Variants in SPOP observed in about 807,000 individuals in gnomAD.
SPOP encodes the protein speckle-type POZ protein.
SPOP carries 11 observed loss-of-function variants against 45.6 expected under a neutral mutation model. That is an observed-to-expected ratio of 0.24 (90% confidence interval 0.15 to 0.40). SPOP has a LOEUF of 0.40. SPOP is among the 10% of genes least tolerant of loss of function. SPOP has a pLI of 1.00. For synonymous variants in SPOP, 166 were observed against 166.3 expected (o/e 1.00, Z 0.01); for missense variants, 152 against 465.6 (o/e 0.33, Z 6.20).
intron 1 of SPOP, among the ~76,000 whole-genome samples, chr17:49,675,567 A>G (rs17645084): frequency 0.14 from 21,851 of 152,258 alleles, 2,054 homozygotes; most frequent in Non-Finnish European, 0.2. Flanking sequence ...TTTGTTTCAT[A>G]TGTATGTACA....
intron 5 of SPOP, chr17:49,618,526 A>G (rs2072139605): frequency 2.2e-6 from 1 of 456,040 alleles, no homozygotes; most frequent in Non-Finnish European, 4.4e-6. Flanking sequence ...CAATTACTCC[A>G]GCAAGACAAA....
In SPOP at chr17:49,678,033, C is replaced by T. The variant is rs1474729775; in HGVS notation, c.-167G>A. The T allele has an allele frequency of 5.0e-6, 2 of 399,544 alleles. No individual in the cohort carries two copies. Among genetic ancestry groups the T allele is most frequent in the Non-Finnish European group, 8.8e-6 (2 of 226,546 alleles). 24.7% of individuals were successfully genotyped at this position (399,544 alleles called of 1,614,324 possible). On this transcript the variant is annotated 5_prime_UTR_variant, in exon 1 of 10. The change creates a new upstream start codon in the 5' untranslated region. Transcript: ENST00000504102. Reference sequence around the variant, plus strand: ...GCGGGACCGCCGATACACAAATACACACACACTCGGAGCGCGCACACTCAC... The same window carrying T: ...GCGGGACCGCCGATACACAAATACATACACACTCGGAGCGCGCACACTCAC...
intron 1 of SPOP, among the ~76,000 whole-genome samples, chr17:49,662,208 C>G (rs1253000913): frequency 6.6e-6 from 1 of 151,658 alleles, no homozygotes; most frequent in Admixed American, 6.6e-5. Flanking sequence ...TTTTGCCCCC[C>G]TCAGATTGTG....
chr17:49,661,375 T>C (rs1310465159), intron 1 of SPOP, among the ~76,000 whole-genome samples: 1 of 152,154 alleles, frequency 6.6e-6, no homozygotes, highest in Non-Finnish European at 1.5e-5. Context: ...ACACACCCTA[T>C]ACTAACACTG....
intron 5 of SPOP, among the ~76,000 whole-genome samples, chr17:49,616,581 A>T (rs2072090936): frequency 6.6e-6 from 1 of 152,250 alleles, no homozygotes; most frequent in Non-Finnish European, 1.5e-5. Flanking sequence ...AGCTATGAAA[A>T]GTGCTAAGAA....
intron 1 of SPOP, among the ~76,000 whole-genome samples, chr17:49,631,951 G>C (rs1436359765): frequency 6.6e-6 from 1 of 152,068 alleles, no homozygotes; most frequent in East Asian, 1.9e-4. Flanking sequence ...ACCACTACCT[G>C]AAATTATCTT....
intron 8 of SPOP, among the ~76,000 whole-genome samples, chr17:49,605,055 A>G (rs549368913): frequency 2.0e-5 from 3 of 152,254 alleles, no homozygotes; most frequent in South Asian, 4.2e-4. Context: ...CACCAACCTA[A>G]TATCTGTTGA....
chr17:49,634,517 C>T (rs1178142136), intron 1 of SPOP, among the ~76,000 whole-genome samples: 1 of 151,980 alleles, frequency 6.6e-6, no homozygotes, highest in Non-Finnish European at 1.5e-5. Context: ...GGTCTTTGAC[C>T]CACTCCCCTC....
chr17:49,666,148 T>C (rs1475233944), intron 1 of SPOP, among the ~76,000 whole-genome samples: 1 of 151,934 alleles, frequency 6.6e-6, no homozygotes, highest in Non-Finnish European at 1.5e-5. Context: ...AAAATACAGA[T>C]ACAAACTCTC....
At chr17:49,620,702 C>T (rs1597925458) in intron 3 of SPOP, 1 of 154,210 alleles carries the variant, frequency 6.5e-6, no homozygotes, top group Non-Finnish European at 1.5e-5. Context: ...AAAATTCAGA[C>T]AGAATAGGTT....
In SPOP at chr17:49,599,949, T is replaced by A. The variant is rs2071708735; in HGVS notation, c.*429A>T. ...ATCCACAAACTGATTTTTGAGAAATTCTGCAAAAATCTTTTCTTCTTTCCT... is the reference window on the plus strand; with the variant it reads ...ATCCACAAACTGATTTTTGAGAAATACTGCAAAAATCTTTTCTTCTTTCCT... On this transcript the variant is annotated 3_prime_UTR_variant, in exon 10 of 10. Transcript: ENST00000504102. The A allele has an allele frequency of 4.3e-6, 1 of 230,990 alleles. No homozygotes were observed. The highest frequency in any genetic ancestry group is 1.7e-4 in the South Asian group (1 of 6,024). The allele number at this position is 230,990 out of a possible 1,614,324, so 14.3% of individuals were successfully genotyped here.
intron 1 of SPOP, among the ~76,000 whole-genome samples, chr17:49,625,714 T>C (rs888917425): frequency 4.6e-5 from 7 of 152,154 alleles, no homozygotes; most frequent in Admixed American, 4.6e-4. Flanking sequence ...AGTACATTAT[T>C]TATGCAAATT....
chr17:49,607,481 A>G, intron 7 of SPOP, 109 bp from the exon 8 acceptor site: 1 of 1,357,472 alleles, frequency 7.4e-7, no homozygotes, highest in Non-Finnish European at 9.8e-7. Context: ...TGTATCATTT[A>G]AAACCTAACA....
chr17:49,615,339 A>C (rs1348356714), intron 5 of SPOP, among the ~76,000 whole-genome samples: 1 of 152,216 alleles, frequency 6.6e-6, no homozygotes, highest in African/African-American at 2.4e-5. Context: ...GTTGGAATAC[A>C]ATGCTTCTTT....
chr17:49,621,925 G>A, intron 3 of SPOP, 21 bp downstream of exon 3: 1 of 1,611,498 alleles, frequency 6.2e-7, no homozygotes, highest in Non-Finnish European at 8.5e-7. Flanking sequence ...AATTTTTACA[G>A]TTAGACGTAT....
At chr17:49,609,461 G>A (rs180675806) in intron 6 of SPOP, among the ~76,000 whole-genome samples, 116 of 152,254 alleles carry the variant, frequency 7.6e-4, no homozygotes, top group Middle Eastern at 3.4e-3. Context: ...CTGATGCAAC[G>A]GGAATAAATG....
At chr17:49,630,601 T>A (rs1310537869) in intron 1 of SPOP, among the ~76,000 whole-genome samples, 2 of 71,682 alleles carry the variant, frequency 2.8e-5, no homozygotes, top group Non-Finnish European at 5.2e-5. Flanking sequence ...CCTGTTTTTT[T>A]GTTTTCTTTA....
At chr17:49,601,302 T>C (rs902202902) in intron 9 of SPOP, 3 of 152,522 alleles carry the variant, frequency 2.0e-5, no homozygotes, top group Non-Finnish European at 4.4e-5. Context: ...TGGGTTGTAG[T>C]TACAACTCAT....
At chr17:49,615,528 G>C (rs1365663937) in intron 5 of SPOP, among the ~76,000 whole-genome samples, 2 of 151,784 alleles carry the variant, frequency 1.3e-5, no homozygotes, top group African/African-American at 4.8e-5. Flanking sequence ...TAACAGACAG[G>C]GACTAATTAT....
Sources: gnomAD v4.1 joint callset for allele counts (sites outside exome capture counted in the v4.1 genomes callset) on GRCh38, gnomAD v4.1.1 for gene constraint, MANE v1.5 for transcripts, NCBI Gene and HGNC (gene_info 2026-07-23, HGNC 2026-07-21) for gene names.